FMN1: variants seen among roughly 807,000 people sequenced by gnomAD.
FMN1 encodes formin 1.
A neutral mutation model predicts 132.4 loss-of-function variants in FMN1; 110 were observed. The ratio of observed to expected loss-of-function variants is 0.83; its 90% CI spans 0.71 to 0.97. The LOEUF (loss-of-function observed/expected upper bound fraction) is 0.97. FMN1 is among the 50% of genes least tolerant of loss of function. The pLI is 0.00. For missense variants in FMN1, 1,792 were observed against 1,705.3 expected, an observed-to-expected ratio of 1.05 and a Z score of -0.90; for synonymous variants, 722 against 651.7, an observed-to-expected ratio of 1.11 and a Z score of -1.64.
chr15:32,904,379 A>C (rs1169042148), intron 12 of FMN1, among the ~76,000 whole-genome samples: 1 of 152,234 alleles, frequency 6.6e-6, no homozygotes, highest in East Asian at 1.9e-4. Flanking sequence ...TACAGGGTTT[A>C]AACTTCTGAA....
At chr15:33,113,876 A>T (rs530936916) in intron 4 of FMN1, among the ~76,000 whole-genome samples, 2 of 152,320 alleles carry the variant, frequency 1.3e-5, no homozygotes, top group African/African-American at 4.8e-5. Flanking sequence ...CCCTGACTGG[A>T]AACTGCTTCT....
intron 14 of FMN1, among the ~76,000 whole-genome samples, chr15:32,899,563 T>C (rs1226646173): frequency 6.6e-6 from 1 of 152,142 alleles, no homozygotes; most frequent in Non-Finnish European, 1.5e-5. Context: ...CCCAGCCCAA[T>C]TGTTGTGGCA....
chr15:32,858,666 T>G lies in FMN1; in HGVS notation c.3836-1559A>C, dbSNP rs182593699. 2.0e-5 allele frequency among the ~76,000 whole-genome samples: 3 copies of G among 152,368 alleles called. No homozygotes were observed. The East Asian group carries it at 5.8e-4, about 29-fold the overall frequency. On this transcript the variant is annotated intron_variant, in intron 16 of 20. Transcript: ENST00000616417. ...ATCCTGTCCGTTGGGAGGCAAAGAC[T>G]AATTTTTTAAATGACTTATCTTATT...
chr15:33,130,038 GGTGATCCACCTC>G (rs1161862122), intron 4 of FMN1, among the ~76,000 whole-genome samples: 1 of 151,984 alleles, frequency 6.6e-6, no homozygotes, highest in Admixed American at 6.5e-5. Context: ...CACCTGCCTT[GGTGATCCACCTC>G]GTGATCCACC....
At chr15:33,089,370 G>C (rs1487233891) in intron 4 of FMN1, among the ~76,000 whole-genome samples, 1 of 152,176 alleles carries the variant, frequency 6.6e-6, no homozygotes, top group Non-Finnish European at 1.5e-5. Context: ...TGTTCTCCAG[G>C]GCAGGAACTG....
chr15:32,925,886 C>A (rs2060946924), intron 10 of FMN1, among the ~76,000 whole-genome samples: 1 of 152,250 alleles, frequency 6.6e-6, no homozygotes, highest in South Asian at 2.1e-4. Context: ...CATGGCAAAA[C>A]CCCACCTGTA....
At chr15:32,878,780 CTT>C (rs1162300455) in intron 16 of FMN1, among the ~76,000 whole-genome samples, 1 of 152,144 alleles carries the variant, frequency 6.6e-6, no homozygotes, top group Admixed American at 6.5e-5. Context: ...CTGACCCAGA[CTT>C]TTCTATGATT....
At chr15:33,146,103 G>A (rs1964210239) in intron 4 of FMN1, among the ~76,000 whole-genome samples, 1 of 151,752 alleles carries the variant, frequency 6.6e-6, no homozygotes, top group South Asian at 2.1e-4. Context: ...AGCCTCCCGA[G>A]TAACTGGGAC....
intron 16 of FMN1, among the ~76,000 whole-genome samples, chr15:32,884,501 T>A (rs936316304): frequency 6.6e-6 from 1 of 152,206 alleles, no homozygotes; most frequent in Non-Finnish European, 1.5e-5. Flanking sequence ...CGGTCCAGGA[T>A]AATCTCCCCA....
chr15:32,957,149 T>C (rs1388098439), intron 9 of FMN1, among the ~76,000 whole-genome samples: 1 of 152,022 alleles, frequency 6.6e-6, no homozygotes, highest in Non-Finnish European at 1.5e-5. Flanking sequence ...CTTTTACATA[T>C]CTTACAGAAG....
intron 6 of FMN1, among the ~76,000 whole-genome samples, chr15:33,059,427 G>A (rs1036024471): frequency 5.3e-5 from 8 of 152,002 alleles, no homozygotes; most frequent in African/African-American, 7.3e-5. Flanking sequence ...GTGATTACTC[G>A]GTCATTTTGT....
At chr15:33,080,958 G>A (rs1389203606) in intron 5 of FMN1, among the ~76,000 whole-genome samples, 1 of 151,880 alleles carries the variant, frequency 6.6e-6, no homozygotes, top group Non-Finnish European at 1.5e-5. Flanking sequence ...TCCCCCACCC[G>A]GAGCTTGCTT....
intron 8 of FMN1, among the ~76,000 whole-genome samples, chr15:32,966,603 A>G (rs1226968907): frequency 6.6e-6 from 1 of 152,198 alleles, no homozygotes; most frequent in East Asian, 1.9e-4. Flanking sequence ...ATCACGAAAG[A>G]GACACCCAAG....
intron 7 of FMN1, 120 bp downstream of exon 7, chr15:33,007,894 C>A: frequency 2.7e-6 from 2 of 742,356 alleles, no homozygotes; most frequent in Non-Finnish European, 4.4e-6. Flanking sequence ...CTACTGGCAG[C>A]TGCAAGATGC....
At chr15:32,850,793 A>AT (rs548568430) in intron 17 of FMN1, among the ~76,000 whole-genome samples, 109 of 152,220 alleles carry the variant, frequency 7.2e-4, no homozygotes, top group African/African-American at 2.4e-3. Flanking sequence ...AAATTTATCT[A>AT]TTTTTTACTA....
At chr15:33,106,728 G>A (rs540477039) in intron 4 of FMN1, among the ~76,000 whole-genome samples, 1 of 152,086 alleles carries the variant, frequency 6.6e-6, no homozygotes, top group Non-Finnish European at 1.5e-5. Flanking sequence ...TGTACAATAG[G>A]ATGTTCAGCA....
rs79404718 is a variant in FMN1, at chr15:32,924,506, T to C, written c.3226+1668A>G. Among the ~76,000 whole-genome samples the C allele has an allele frequency of 5.3e-3, 814 of 152,284 alleles. 8 individuals carry two copies. The highest frequency in any genetic ancestry group is 0.019 in the African/African-American group (788 of 41,574). On this transcript the variant is annotated intron_variant, in intron 10 of 20. Coordinates refer to ENST00000616417, the MANE Select transcript of FMN1 (RefSeq NM_001277313.2). ...AGTCAAACAACTAAACAACATGAAC[T>C]GAAACCTAAAGGGCCGTGTGGTGTC...
chr15:33,148,371 G>A (rs980221412), intron 4 of FMN1, among the ~76,000 whole-genome samples: 5 of 152,096 alleles, frequency 3.3e-5, no homozygotes, highest in African/African-American at 1.2e-4. Context: ...TGTTCTTTAT[G>A]GCATAATTCA....
chr15:32,995,279 G>A (rs2033696323), intron 7 of FMN1, among the ~76,000 whole-genome samples: 1 of 152,100 alleles, frequency 6.6e-6, no homozygotes, highest in African/African-American at 2.4e-5. Flanking sequence ...GCCACAATCA[G>A]AAAATCTAAG....
Sources: gnomAD v4.1 joint callset for allele counts (sites outside exome capture counted in the v4.1 genomes callset) on GRCh38, gnomAD v4.1.1 for gene constraint, MANE v1.5 for transcripts, NCBI Gene and HGNC (gene_info 2026-07-23, HGNC 2026-07-21) for gene names.